JARID2: variants seen among roughly 807,000 people sequenced by gnomAD.
The protein encoded by JARID2 is protein Jumonji.
Under a neutral mutation model 125.6 loss-of-function variants are expected in JARID2, and 21 were observed. The ratio of observed to expected loss-of-function variants is 0.17; its 90% CI spans 0.12 to 0.24. The LOEUF (loss-of-function observed/expected upper bound fraction) is 0.24, where lower values mean the gene tolerates loss of function less well. Among genes scored for constraint, JARID2 ranks in the 10% least tolerant of loss-of-function variants. The probability of loss-of-function intolerance (pLI) is 1.00; values close to 1 mark genes in which losing one functional copy is unlikely to be tolerated. For synonymous variants in JARID2, 736 were observed against 661.6 expected, an observed-to-expected ratio of 1.11 and a Z score of -1.73; for missense variants, 1,303 against 1,639.6, an observed-to-expected ratio of 0.79 and a Z score of 3.55.
rs58352410 is a variant in JARID2 at position 15,361,892 on chromosome 6, C to CTT, written c.46-12205_46-12204dup. On this transcript the variant is annotated intron_variant, in intron 1 of 17. Coordinates refer to ENST00000341776, the MANE Select transcript of JARID2 (RefSeq NM_004973.4). ...ATCTTGTCTTTGGATTGGGAGCCCC[C>CTT]TTTTTTTTTTTTTTTTTTTTTCCCT... Among the ~76,000 whole-genome samples, 1,068 of 121,144 alleles carry CTT rather than the reference C, an allele frequency of 8.8e-3. 12 individuals carry two copies. Among genetic ancestry groups the CTT allele is most frequent in the Middle Eastern group, 0.022 (5 of 226 alleles). The allele number at this position is 121,144 out of a possible 152,430, so 79.5% of individuals were successfully genotyped here.
chr6:15,477,378 C>T (rs1227580911), intron 5 of JARID2, among the ~76,000 whole-genome samples: 1 of 151,736 alleles, frequency 6.6e-6, no homozygotes, highest in Non-Finnish European at 1.5e-5. Context: ...CAGACAAATG[C>T]CGCCTCCCCG....
chr6:15,398,603 C>T (rs746559315), intron 2 of JARID2, among the ~76,000 whole-genome samples: 1 of 152,174 alleles, frequency 6.6e-6, no homozygotes, highest in African/African-American at 2.4e-5. Flanking sequence ...GCCTGACAGA[C>T]ACAGGACTGA....
intron 1 of JARID2, among the ~76,000 whole-genome samples, chr6:15,366,819 A>G (rs1561816726): frequency 6.6e-6 from 1 of 152,058 alleles, no homozygotes; most frequent in Non-Finnish European, 1.5e-5. Context: ...CTTTATCACC[A>G]GGTTGTTATT....
At position 15,391,459 on chromosome 6, in the gene JARID2, GAGAC is replaced by G. The variant is rs1395785672; in HGVS notation, c.181+17215_181+17218del. ...GCCAGCTGGGTCAGTGGGGAGGCCTGAGACAGACAGAGGGGAGAAAGTGACTGTG... is the reference window on the plus strand; with the variant it reads ...GCCAGCTGGGTCAGTGGGGAGGCCTGAGACAGAGGGGAGAAAGTGACTGTG... On this transcript the variant is annotated intron_variant, in intron 2 of 17. Coordinates refer to ENST00000341776, the MANE Select transcript of JARID2 (RefSeq NM_004973.4). 6.6e-5 allele frequency among the ~76,000 whole-genome samples: 10 copies of G among 152,320 alleles called. No individual in the cohort carries two copies. The East Asian group carries it at 1.5e-3, about 23-fold the overall frequency.
chr6:15,433,408 CTCTGTGTGTG>C (rs909931289), intron 3 of JARID2, among the ~76,000 whole-genome samples: 16 of 93,582 alleles, frequency 1.7e-4, no homozygotes, highest in Admixed American at 3.6e-4. Context: ...CCCCATGTCT[CTCTGTGTGTG>C]TGTGTGTGTG....
At chr6:15,377,253 A>T (rs1376182085) in intron 2 of JARID2, among the ~76,000 whole-genome samples, 1 of 152,176 alleles carries the variant, frequency 6.6e-6, no homozygotes, top group Non-Finnish European at 1.5e-5. Flanking sequence ...CCTCAGAGTC[A>T]TGGAGGGAGG....
At chr6:15,511,672 G>A (rs187063165) in intron 13 of JARID2, among the ~76,000 whole-genome samples, 3 of 152,276 alleles carry the variant, frequency 2.0e-5, no homozygotes, top group East Asian at 3.9e-4. Context: ...TGTGCCCGCC[G>A]CTCCTACCTT....
intron 7 of JARID2, among the ~76,000 whole-genome samples, chr6:15,500,381 G>C (rs992480450): frequency 2.6e-5 from 4 of 152,186 alleles, no homozygotes; most frequent in African/African-American, 9.7e-5. Flanking sequence ...GTGGATGGGT[G>C]AAGTTGAGTG....
chr6:15,246,856 G>A (rs953078292), intron 1 of JARID2, among the ~76,000 whole-genome samples: 4 of 152,336 alleles, frequency 2.6e-5, no homozygotes, highest in African/African-American at 9.6e-5. Context: ...AGGGATTTTG[G>A]TGGAGCTTGA....
rs540175617 is a variant in JARID2 at position 15,369,636 on chromosome 6, T to A, written c.46-4481T>A. Among the ~76,000 whole-genome samples the A allele has an allele frequency of 2.0e-5, 3 of 152,342 alleles. No individual in the cohort carries two copies. In the South Asian group the frequency reaches 6.2e-4, roughly 32 times the overall value. ...GGATTTTCAGACAGTGAGGTGCTAA[T>A]GGGCTATTAGTTGACTTGAACATAT... is the stretch of plus-strand genomic sequence containing the variant. On this transcript the variant is annotated intron_variant, in intron 1 of 17. Transcript: ENST00000341776.
chr6:15,478,491 A>G (rs1364047992), intron 5 of JARID2, among the ~76,000 whole-genome samples: 6 of 151,338 alleles, frequency 4.0e-5, no homozygotes, highest in South Asian at 2.1e-4. Flanking sequence ...TGTATAGTCA[A>G]TTGTGTCAAT....
intron 9 of JARID2, among the ~76,000 whole-genome samples, chr6:15,506,491 T>C (rs1012519833): frequency 7.9e-5 from 12 of 152,208 alleles, no homozygotes; most frequent in African/African-American, 2.2e-4. Flanking sequence ...TGAGTTAGGC[T>C]TCTTCCCTAA....
intron 2 of JARID2, among the ~76,000 whole-genome samples, chr6:15,396,606 C>T (rs538706249): frequency 2.5e-4 from 38 of 152,274 alleles, no homozygotes; most frequent in African/African-American, 9.1e-4. Context: ...TTTGCTTATA[C>T]ATAAATACTG....
intron 3 of JARID2, among the ~76,000 whole-genome samples, chr6:15,419,578 AT>A (rs1192051081): frequency 6.6e-6 from 1 of 152,254 alleles, no homozygotes; most frequent in Non-Finnish European, 1.5e-5. Context: ...CATTAAAAAA[AT>A]ACTTTTATGA....
intron 5 of JARID2, among the ~76,000 whole-genome samples, chr6:15,479,193 A>G (rs953175901): frequency 1.3e-5 from 2 of 152,166 alleles, no homozygotes; most frequent in Non-Finnish European, 2.9e-5. Flanking sequence ...AGAGTGACTG[A>G]TGCCCACACA....
intron 2 of JARID2, among the ~76,000 whole-genome samples, chr6:15,396,497 A>G (rs149471282): frequency 1.2e-3 from 180 of 152,320 alleles, no homozygotes; most frequent in Non-Finnish European, 1.9e-3. Flanking sequence ...ATTCATGTAG[A>G]ATACAGTAGT....
At chr6:15,342,339 C>A (rs1363966952) in intron 1 of JARID2, among the ~76,000 whole-genome samples, 1 of 152,148 alleles carries the variant, frequency 6.6e-6, no homozygotes, top group Non-Finnish European at 1.5e-5. Flanking sequence ...CCATTGTGCC[C>A]ATTTAGCCTC....
At chr6:15,424,440 G>A (rs1581544163) in intron 3 of JARID2, among the ~76,000 whole-genome samples, 1 of 152,166 alleles carries the variant, frequency 6.6e-6, no homozygotes, top group South Asian at 2.1e-4. Context: ...GGAGAAAAGA[G>A]CAAAATTTAT....
intron 1 of JARID2, among the ~76,000 whole-genome samples, chr6:15,350,163 G>A (rs1419772273): frequency 6.6e-6 from 1 of 152,112 alleles, no homozygotes; most frequent in Non-Finnish European, 1.5e-5. Context: ...CAAGCTTGAG[G>A]CTGTGACCTG....
Sources: allele counts gnomAD v4.1 joint callset (sites outside exome capture counted in the v4.1 genomes callset), GRCh38; gene constraint gnomAD v4.1.1; transcripts MANE v1.5; gene names NCBI Gene and HGNC (gene_info 2026-07-23, HGNC 2026-07-21).